Variants in ARHGAP24 observed in about 807,000 individuals in gnomAD.
The protein encoded by ARHGAP24 is Rho GTPase activating protein 24.
ARHGAP24 carries 50 observed loss-of-function variants against 76.4 expected under a neutral mutation model. The observed-to-expected ratio is 0.65, with a 90% CI of 0.52 to 0.83. ARHGAP24 has a LOEUF of 0.83. Among genes scored for constraint, ARHGAP24 ranks in the 40% least tolerant of loss-of-function variants. The probability of loss-of-function intolerance (pLI) is 0.00; values close to 1 mark genes in which losing one functional copy is unlikely to be tolerated. For missense variants in ARHGAP24, 930 were observed against 914.2 expected (o/e 1.02, Z -0.22); for synonymous variants, 345 against 323.3 (o/e 1.07, Z -0.72).
chr4:85,733,769 T>C (rs1395100699), intron 3 of ARHGAP24, among the ~76,000 whole-genome samples: 2 of 152,128 alleles, frequency 1.3e-5, no homozygotes, highest in African/African-American at 4.8e-5. Flanking sequence ...CTTCTTCTTA[T>C]AAGGACATCA....
At chr4:85,685,632 CAAAA>C (rs57825725) in intron 2 of ARHGAP24, among the ~76,000 whole-genome samples, 1 of 124,444 alleles carries the variant, frequency 8.0e-6, no homozygotes. Flanking sequence ...GACTCTGTCT[CAAAA>C]AAAAAAAAAA....
intron 1 of ARHGAP24, among the ~76,000 whole-genome samples, chr4:85,523,201 T>TGTCTAGCACTTTCCA (rs1724854989): frequency 6.6e-6 from 1 of 152,212 alleles, no homozygotes; most frequent in Admixed American, 6.5e-5. Flanking sequence ...GCTTACTACA[T>TGTCTAGCACTTTCCA]GTCTAGCACT....
chr4:85,503,301 C>T (rs1723902630), intron 1 of ARHGAP24, among the ~76,000 whole-genome samples: 1 of 152,146 alleles, frequency 6.6e-6, no homozygotes, highest in South Asian at 2.1e-4. Flanking sequence ...GGTACCAGCT[C>T]CTCTTTGTAC....
At chr4:85,630,382 G>A (rs981735027) in intron 2 of ARHGAP24, among the ~76,000 whole-genome samples, 11 of 152,104 alleles carry the variant, frequency 7.2e-5, no homozygotes, top group Non-Finnish European at 1.5e-4. Context: ...TCTTCATTTT[G>A]TTCTTTTGAT....
chr4:85,990,026 A>G (rs948920344), intron 8 of ARHGAP24: 2 of 151,798 alleles, frequency 1.3e-5, no homozygotes, highest in Non-Finnish European at 3.0e-5. Flanking sequence ...CACAGTCAAC[A>G]TGAACATCTA....
intron 2 of ARHGAP24, among the ~76,000 whole-genome samples, chr4:85,580,638 G>A (rs1727570557): frequency 6.6e-6 from 1 of 152,124 alleles, no homozygotes; most frequent in South Asian, 2.1e-4. Flanking sequence ...AAGGATAAGT[G>A]CAAAGCAGCC....
intron 2 of ARHGAP24, among the ~76,000 whole-genome samples, chr4:85,720,127 TG>T (rs1180043604): frequency 8.2e-6 from 1 of 122,686 alleles, no homozygotes; most frequent in Non-Finnish European, 1.8e-5. Context: ...GGTGGGGGGA[TG>T]GGGGAGGGAT....
intron 3 of ARHGAP24, among the ~76,000 whole-genome samples, chr4:85,884,018 G>A (rs1052942627): frequency 1.3e-5 from 2 of 152,130 alleles, no homozygotes; most frequent in African/African-American, 4.8e-5. Context: ...GTGTGTGAAA[G>A]CTCTCTATAT....
chr4:85,948,537 G>A (rs1375207823), intron 5 of ARHGAP24, among the ~76,000 whole-genome samples: 1 of 152,182 alleles, frequency 6.6e-6, no homozygotes, highest in East Asian at 1.9e-4. Flanking sequence ...TGTAAGAACA[G>A]ATGTGCCCTG....
In ARHGAP24 at chr4:85,541,404, C is replaced by T. The variant is rs373396192; in HGVS notation, c.-20-29118C>T. Among the ~76,000 whole-genome samples, 53 of 120,982 alleles carry T rather than the reference C, an allele frequency of 4.4e-4. 4 individuals carry two copies. The highest frequency in any genetic ancestry group is 2.2e-3 in the East Asian group (11 of 4,972). 79.4% of individuals were successfully genotyped at this position (120,982 alleles called of 152,430 possible). ...TCCTGACCTCGTGATCCGCCCGCCT[C>T]GGCCTCCCAAAGTGCTGGGATTACA... On this transcript the variant is annotated intron_variant, in intron 1 of 9. Transcript: ENST00000395184.
At chr4:85,721,786 C>T (rs749099473) in intron 2 of ARHGAP24, 99 bp from the exon 3 acceptor site, 9 of 1,025,866 alleles carry the variant, frequency 8.8e-6, no homozygotes, top group Non-Finnish European at 1.4e-5. Flanking sequence ...TTACTGTATA[C>T]TGGGTTATAG....
At chr4:85,829,986 A>G (rs529915938) in intron 3 of ARHGAP24, among the ~76,000 whole-genome samples, 2 of 152,350 alleles carry the variant, frequency 1.3e-5, no homozygotes, top group South Asian at 4.1e-4. Flanking sequence ...TTAGGTACTG[A>G]CCTCAGAGCA....
chr4:85,658,470 A>G (rs1178605999), intron 2 of ARHGAP24, among the ~76,000 whole-genome samples: 1 of 152,192 alleles, frequency 6.6e-6, no homozygotes, highest in Non-Finnish European at 1.5e-5. Flanking sequence ...CAAAGTAGAA[A>G]TATTTTCATA....
chr4:85,767,494 T>G (rs1726974090), intron 3 of ARHGAP24, among the ~76,000 whole-genome samples: 1 of 151,968 alleles, frequency 6.6e-6, no homozygotes, highest in African/African-American at 2.4e-5. Flanking sequence ...GGAATTGCTG[T>G]GGAAGAGGAA....
At chr4:85,963,942 G>A (rs1200255727) in intron 5 of ARHGAP24, among the ~76,000 whole-genome samples, 9 of 151,630 alleles carry the variant, frequency 5.9e-5, no homozygotes, top group Admixed American at 5.3e-4. Context: ...GGGTACATGT[G>A]CACAACGTGC....
intron 2 of ARHGAP24, among the ~76,000 whole-genome samples, chr4:85,625,439 G>C (rs1163390555): frequency 6.6e-6 from 1 of 152,160 alleles, no homozygotes; most frequent in South Asian, 2.1e-4. Flanking sequence ...CTGAGAGACA[G>C]TTTGTTATAA....
chr4:85,894,256 C>T (rs1734011204), intron 3 of ARHGAP24, among the ~76,000 whole-genome samples: 1 of 152,024 alleles, frequency 6.6e-6, no homozygotes. Context: ...AATTAGGAAC[C>T]TTCACACCAG....
intron 4 of ARHGAP24, among the ~76,000 whole-genome samples, chr4:85,928,259 C>G (rs991526734): frequency 6.6e-6 from 1 of 151,808 alleles, no homozygotes; most frequent in Non-Finnish European, 1.5e-5. Flanking sequence ...CTCCCAACCT[C>G]CCTTCCTCCA....
At chr4:85,695,616 G>C (rs1442460208) in intron 2 of ARHGAP24, among the ~76,000 whole-genome samples, 1 of 152,076 alleles carries the variant, frequency 6.6e-6, no homozygotes, top group Admixed American at 6.6e-5. Flanking sequence ...CTGAAATATT[G>C]AAATTAATAT....
Sources: gnomAD v4.1 joint callset for allele counts (sites outside exome capture counted in the v4.1 genomes callset) on GRCh38, gnomAD v4.1.1 for gene constraint, MANE v1.5 for transcripts, NCBI Gene and HGNC (gene_info 2026-07-23, HGNC 2026-07-21) for gene names.